The following ARHGAP22 variants were observed in gnomAD, a reference collection of about 807,000 sequenced individuals.
ARHGAP22 encodes rho GTPase-activating protein 22.
ARHGAP22 carries 48 observed loss-of-function variants against 59.1 expected under a neutral mutation model. The ratio of observed to expected loss-of-function variants is 0.81; its 90% CI spans 0.64 to 1.03. ARHGAP22 has a LOEUF of 1.03. ARHGAP22 is among the 50% of genes least tolerant of loss of function. The pLI, the probability that ARHGAP22 is intolerant of heterozygous loss-of-function variation, is 0.00. For missense variants in ARHGAP22, 1,015 were observed against 958.7 expected, an observed-to-expected ratio of 1.06 and a Z score of -0.78; for synonymous variants, 445 against 416.4, an observed-to-expected ratio of 1.07 and a Z score of -0.84.
intron 3 of ARHGAP22, among the ~76,000 whole-genome samples, chr10:48,504,484 G>A (rs1172983660): frequency 6.6e-6 from 1 of 152,180 alleles, no homozygotes; most frequent in African/African-American, 2.4e-5. Flanking sequence ...AGATGGATGG[G>A]ATAACAGAAA....
At chr10:48,524,150 C>T in intron 3 of ARHGAP22, 1 of 1,223,526 alleles carries the variant, frequency 8.2e-7, no homozygotes, top group Non-Finnish European at 1.0e-6. Flanking sequence ...CCCCGCCTGC[C>T]GCCTGCGCCC....
chr10:48,486,906 G>A (rs1190327290), intron 3 of ARHGAP22, among the ~76,000 whole-genome samples: 2 of 152,318 alleles, frequency 1.3e-5, no homozygotes, highest in South Asian at 2.1e-4. Flanking sequence ...CAACTGTTAA[G>A]ATGTTGCTCT....
At chr10:48,588,909 A>C (rs2059590703) in intron 1 of ARHGAP22, among the ~76,000 whole-genome samples, 1 of 152,140 alleles carries the variant, frequency 6.6e-6, no homozygotes, top group South Asian at 2.1e-4. Flanking sequence ...CCGTGGAGGG[A>C]GGCCCCAGGC....
At chr10:48,563,190 T>A (rs1382241188) in intron 2 of ARHGAP22, among the ~76,000 whole-genome samples, 1 of 26,878 alleles carries the variant, frequency 3.7e-5, no homozygotes, top group African/African-American at 1.6e-4. Context: ...CAGGATAATT[T>A]TTTTTTTTTT....
chr10:48,531,498 T>C (rs775615644), intron 3 of ARHGAP22, among the ~76,000 whole-genome samples: 1 of 152,240 alleles, frequency 6.6e-6, no homozygotes, highest in African/African-American at 2.4e-5. Flanking sequence ...CAGTTACAGA[T>C]AGCTGAAACA....
At chr10:48,444,237 C>T (rs2045270700), downstream of ARHGAP22, 1 of 152,106 alleles carries the variant, frequency 6.6e-6, no homozygotes. Flanking sequence ...ATTACAATAA[C>T]AAGTACAATG....
chr10:48,563,661 A>G (rs1434352685), intron 2 of ARHGAP22, among the ~76,000 whole-genome samples: 1 of 152,220 alleles, frequency 6.6e-6, no homozygotes, highest in East Asian at 1.9e-4. Flanking sequence ...ACTACAGTAT[A>G]TCTGAAACAA....
chr10:48,547,231 C>T (rs560493521), intron 3 of ARHGAP22, among the ~76,000 whole-genome samples: 19 of 152,350 alleles, frequency 1.2e-4, no homozygotes, highest in African/African-American at 4.1e-4. Flanking sequence ...CATCTGCATC[C>T]GCGTGTGGTG....
upstream of ARHGAP22, among the ~76,000 whole-genome samples, chr10:48,654,049 C>T (rs2062661320): frequency 6.6e-6 from 1 of 152,064 alleles, no homozygotes; most frequent in African/African-American, 2.4e-5. Flanking sequence ...AAGAAAATAC[C>T]ACCAGGTAAG....
Position 48,640,539 on chromosome 10 carries a change from G to A in ARHGAP22, c.52+11695C>T, listed in dbSNP as rs886602153. Among the ~76,000 whole-genome samples, 7 of 152,148 alleles carry A rather than the reference G, an allele frequency of 4.6e-5. No homozygotes were observed. The East Asian group carries it at 1.3e-3, about 29-fold the overall frequency. ...GCAATTAACAGTTGCCTTGTCATCT[G>A]AAACAGTGAGGGCTAGAAGTGGGAG... On this transcript the variant is annotated intron_variant, in intron 1 of 9. Transcript: ENST00000435790.
intron 3 of ARHGAP22, among the ~76,000 whole-genome samples, chr10:48,498,165 T>C (rs1350968460): frequency 1.3e-5 from 2 of 152,034 alleles, no homozygotes; most frequent in Non-Finnish European, 2.9e-5. Context: ...AAGAAAGATG[T>C]GATCCTGTGG....
chr10:48,610,714 C>G (rs1442049367), intron 1 of ARHGAP22, among the ~76,000 whole-genome samples: 2 of 152,164 alleles, frequency 1.3e-5, no homozygotes, highest in Non-Finnish European at 2.9e-5. Flanking sequence ...GCATACCTGA[C>G]AGTATTGCTG....
At chr10:48,537,249 T>G (rs1019864623) in intron 3 of ARHGAP22, among the ~76,000 whole-genome samples, 4 of 152,250 alleles carry the variant, frequency 2.6e-5, no homozygotes, top group Non-Finnish European at 5.9e-5. Flanking sequence ...CAGAGGGTCC[T>G]CTGCTTCTCC....
At chr10:48,626,335 G>A (rs976168907) in intron 1 of ARHGAP22, among the ~76,000 whole-genome samples, 11 of 152,076 alleles carry the variant, frequency 7.2e-5, no homozygotes, top group Admixed American at 6.6e-4. Flanking sequence ...ATGTCCCCAG[G>A]GTCTTAATCT....
chr10:48,493,864 A>T (rs1024804703), intron 3 of ARHGAP22, among the ~76,000 whole-genome samples: 4 of 151,942 alleles, frequency 2.6e-5, no homozygotes, highest in African/African-American at 9.7e-5. Context: ...GCATGTGGGA[A>T]CCCCAGCTCA....
intron 3 of ARHGAP22, among the ~76,000 whole-genome samples, chr10:48,538,118 G>A (rs7092354): frequency 2.8e-4 from 43 of 152,340 alleles, no homozygotes; most frequent in African/African-American, 9.6e-4. Flanking sequence ...CCAGGATCGC[G>A]GTGGAGCTCT....
chr10:48,628,792 G>C (rs2061535509), intron 1 of ARHGAP22, among the ~76,000 whole-genome samples: 1 of 152,096 alleles, frequency 6.6e-6, no homozygotes, highest in South Asian at 2.1e-4. Flanking sequence ...CATCATCTTT[G>C]GTGCACATAG....
chr10:48,647,736 T>A (rs1056870906), intron 1 of ARHGAP22, among the ~76,000 whole-genome samples: 1 of 152,210 alleles, frequency 6.6e-6, no homozygotes, highest in Non-Finnish European at 1.5e-5. Flanking sequence ...CATATGCATG[T>A]GAATGCTCAT....
chr10:48,538,024 T>C lies in ARHGAP22; in HGVS notation c.322+17439A>G, dbSNP rs537663572. ...ATGCCACAATGGTATGAGTTTTCCA[T>C]AGGGATGCCATAACTAACTCCCACA... On this transcript the variant is annotated intron_variant, in intron 3 of 9. Coordinates refer to ENST00000249601, the MANE Select transcript of ARHGAP22 (RefSeq NM_021226.4). Among the ~76,000 whole-genome samples, 23 of 152,288 alleles carry C rather than the reference T, an allele frequency of 1.5e-4. No individual in the cohort carries two copies. The South Asian group carries it at 4.6e-3, about 30-fold the overall frequency.
Sources: allele counts gnomAD v4.1 joint callset (sites outside exome capture counted in the v4.1 genomes callset), GRCh38; gene constraint gnomAD v4.1.1; transcripts MANE v1.5; gene names NCBI Gene and HGNC (gene_info 2026-07-23, HGNC 2026-07-21).